The following ARSG variants were observed in gnomAD, a reference collection of about 807,000 sequenced individuals.
ARSG encodes the protein arylsulfatase G, also known as ASG.
In ARSG, 37 loss-of-function variants were observed where a neutral mutation model predicts 50.5. That is an observed-to-expected ratio of 0.73 (90% CI 0.56 to 0.96). ARSG has a LOEUF of 0.96. Ranked by LOEUF, ARSG falls within the 50% of genes least tolerant of loss-of-function variation. ARSG has a pLI of 0.00. For missense variants in ARSG, 629 were observed against 675.3 expected (o/e 0.93, Z 0.76); for synonymous variants, 225 against 254.6 (o/e 0.88, Z 1.11).
chr17:68,394,284 A>G (rs2081133138), intron 9 of ARSG, among the ~76,000 whole-genome samples: 1 of 152,146 alleles, frequency 6.6e-6, no homozygotes. Context: ...AAGTCATTAC[A>G]TTTGTGAGTG....
At chr17:68,432,899 C>T in the ARSG span, among the ~76,000 whole-genome samples, 3 of 152,142 alleles carry the variant, frequency 2.0e-5, no homozygotes, top group Non-Finnish European at 4.4e-5. Flanking sequence ...ACAGGTGTAA[C>T]TCAAAGCTCA....
At chr17:68,370,558 T>A in intron 8 of ARSG, 34 bp downstream of exon 8, 1 of 1,595,184 alleles carries the variant, frequency 6.3e-7, no homozygotes, top group Non-Finnish European at 8.6e-7. Flanking sequence ...TGGATCCCAT[T>A]GCAATGCTGA....
chr17:68,393,325 C>T (rs1257430640), intron 9 of ARSG, among the ~76,000 whole-genome samples: 1 of 152,106 alleles, frequency 6.6e-6, no homozygotes, highest in African/African-American at 2.4e-5. Context: ...CACCCTGTAA[C>T]GCCCTGGACG....
intron 1 of ARSG, among the ~76,000 whole-genome samples, chr17:68,260,806 T>G (rs560266816): frequency 2.6e-4 from 39 of 152,202 alleles, no homozygotes; most frequent in African/African-American, 9.2e-4. Flanking sequence ...AGTTGCAATA[T>G]TTAGTAAAGC....
chr17:68,310,977 C>G (rs549528954), intron 2 of ARSG, among the ~76,000 whole-genome samples: 17 of 152,280 alleles, frequency 1.1e-4, no homozygotes, highest in Admixed American at 1.0e-3. Context: ...AAGGTGGGCA[C>G]ATCACTTGAC....
At chr17:68,363,370 C>G (rs1214225182) in intron 6 of ARSG, among the ~76,000 whole-genome samples, 2 of 152,130 alleles carry the variant, frequency 1.3e-5, no homozygotes, top group African/African-American at 2.4e-5. Flanking sequence ...GAAGGTCAGG[C>G]TGGAAGGGAC....
At position 68,367,818 on chromosome 17, in the gene ARSG, C is replaced by T. The variant is rs2079617995; in HGVS notation, c.705-730C>T. On this transcript the variant is annotated intron_variant, in intron 6 of 11. Transcript: ENST00000621439. This position sits in a 1 kb window ranked among gnomAD's most constrained non-coding sequence, Gnocchi z 4.5. ...AGGCACAGTGGCTCACGCCTGTAAT[C>T]CCAGCACTTTGGGAGGCCGAGGAGG... Among the ~76,000 whole-genome samples, 1 of 152,180 alleles carries T rather than the reference C, an allele frequency of 6.6e-6. No individual in the cohort carries two copies. Among genetic ancestry groups the T allele is most frequent in the African/African-American group, 2.4e-5 (1 of 41,438 alleles).
In ARSG at chr17:68,307,674, A is replaced by G. The variant is rs2076659565; in HGVS notation, c.181A>G (p.Thr61Ala). ...LGANWAETKDTANLDKMASEG... is the reference protein window; with the variant it reads ...LGANWAETKDAANLDKMASEG... ...AGCAAACTGGGCAGAAACAAAGGAC[A>G]CTGCCAACCTTGATAAGATGGCTTC... Residue 61 changes from threonine (T) to alanine (A), a missense_variant, in exon 2 of 12, where the codon ACT becomes GCT. Transcript: ENST00000621439. 8 of 1,605,248 alleles carry G rather than the reference A, an allele frequency of 5.0e-6. No homozygotes were observed. Among genetic ancestry groups the G allele is most frequent in the Non-Finnish European group, 6.8e-6 (8 of 1,172,014 alleles).
intron 4 of ARSG, among the ~76,000 whole-genome samples, chr17:68,350,805 A>G (rs1253775474): frequency 6.6e-6 from 1 of 151,834 alleles, no homozygotes; most frequent in Non-Finnish European, 1.5e-5. Flanking sequence ...ATAAAATAAA[A>G]TAAAATAAAT....
rs774629549 is a variant in ARSG, at chr17:68,351,611, A to G, written c.491A>G (p.Asp164Gly). The G allele has an allele frequency of 3.7e-6, 6 of 1,613,710 alleles. No individual in the cohort carries two copies. The African/African-American group carries it at 4.0e-5, about 11-fold the overall frequency. ...TACTTTGGAATCCCATATAGCCATG[A>G]TATGGGCTGTACTGATACTCCAGGC... is the stretch of plus-strand genomic sequence containing the variant. ...DYYFGIPYSH[D>G]MGCTDTPGYN... Residue 164 changes from aspartate to glycine, a missense_variant, in exon 5 of 12, where the codon GAT (aspartate) becomes GGT (glycine). By Grantham distance (94) the Asp-to-Gly change is moderately conservative. Coordinates refer to ENST00000621439, the MANE Select transcript of ARSG (RefSeq NM_001267727.2).
intron 11 of ARSG, among the ~76,000 whole-genome samples, chr17:68,418,665 A>C (rs897467977): frequency 6.6e-6 from 1 of 152,144 alleles, no homozygotes; most frequent in Non-Finnish European, 1.5e-5. Flanking sequence ...ATCTGCCCTC[A>C]TCATATAGTA....
chr17:68,377,840 G>T (rs1051110753), intron 8 of ARSG, among the ~76,000 whole-genome samples: 1 of 152,184 alleles, frequency 6.6e-6, no homozygotes, highest in East Asian at 1.9e-4. Context: ...CTTTTTTGGG[G>T]CAAGGCCTTC....
intron 4 of ARSG, among the ~76,000 whole-genome samples, chr17:68,350,760 G>A (rs2146363819): frequency 6.6e-6 from 1 of 151,882 alleles, no homozygotes; most frequent in South Asian, 2.1e-4. Flanking sequence ...ACTCCAGCCT[G>A]GGTGACAGAG....
chr17:68,371,728 C>T (rs2079857445), intron 8 of ARSG, among the ~76,000 whole-genome samples: 1 of 152,100 alleles, frequency 6.6e-6, no homozygotes, highest in Non-Finnish European at 1.5e-5. Context: ...CATAGTTGGA[C>T]ATAACCCAAG....
intron 9 of ARSG, among the ~76,000 whole-genome samples, chr17:68,391,829 G>A (rs1326411500): frequency 1.3e-5 from 2 of 152,200 alleles, no homozygotes; most frequent in Non-Finnish European, 2.9e-5. Context: ...AGGTCCTGGA[G>A]CTTGTTTCTT....
rs1289954258 is a variant in ARSG at position 68,420,656 on chromosome 17, G to A, written c.*193G>A. Reference sequence around the variant, plus strand: ...ACCCGAGAGCAGCTGAGCTGCGCTGGCTCTGGGCAGGGAGTGTGCCTTAAT... The same window carrying A: ...ACCCGAGAGCAGCTGAGCTGCGCTGACTCTGGGCAGGGAGTGTGCCTTAAT... On this transcript the variant is annotated 3_prime_UTR_variant, in exon 12 of 12. Coordinates refer to ENST00000621439, the MANE Select transcript of ARSG (RefSeq NM_001267727.2). 4 of 671,336 alleles carry A rather than the reference G, an allele frequency of 6.0e-6. No individual in the cohort carries two copies. Among genetic ancestry groups the A allele is most frequent in the Non-Finnish European group, 9.9e-6 (4 of 402,884 alleles). The allele number at this position is 671,336 out of a possible 1,614,324, so 41.6% of individuals were successfully genotyped here.
the ARSG span, among the ~76,000 whole-genome samples, chr17:68,438,045 C>T: frequency 0.022 from 3,300 of 148,382 alleles, 128 homozygotes; most frequent in African/African-American, 0.077. Context: ...AACTTTAGGT[C>T]AGGCTGAAAC....
rs201531838 is a variant in ARSG at position 68,356,818 on chromosome 17, C to T, written c.704+14C>T. The T allele has an allele frequency of 1.9e-6, 3 of 1,614,070 alleles. No homozygotes were observed. The highest frequency in any genetic ancestry group is 2.5e-6 in the Non-Finnish European group (3 of 1,179,982). ...CCAGCGTGCAAGGTGAGGAGTCTCC[C>T]TCCCTCCGCAGGGCCTCCCCCTGCC... On this transcript the variant is annotated intron_variant, in intron 6 of 11. Coordinates refer to ENST00000621439, the MANE Select transcript of ARSG (RefSeq NM_001267727.2).
At chr17:68,327,908 G>A (rs1209691390) in intron 2 of ARSG, among the ~76,000 whole-genome samples, 1 of 152,084 alleles carries the variant, frequency 6.6e-6, no homozygotes, top group Non-Finnish European at 1.5e-5. Flanking sequence ...TTTGATCCTG[G>A]GTGGCGTCAT....
Sources: allele counts gnomAD v4.1 joint callset (sites outside exome capture counted in the v4.1 genomes callset), GRCh38; gene constraint gnomAD v4.1.1; non-coding constraint Gnocchi (gnomAD v3.1); transcripts MANE v1.5; gene names NCBI Gene and HGNC (gene_info 2026-07-23, HGNC 2026-07-21).